The following DNAH14 variants were observed in gnomAD, a reference collection of about 807,000 sequenced individuals.
DNAH14 encodes the protein dynein axonemal heavy chain 14, also known as axonemal beta dynein heavy chain 14.
DNAH14 carries 478 observed loss-of-function variants against 520.9 expected under a neutral mutation model. That is an observed-to-expected ratio of 0.92 (90% CI 0.85 to 0.99). The LOEUF is 0.99. Among genes scored for constraint, DNAH14 ranks in the 50% least tolerant of loss-of-function variants. The pLI is 0.00. For synonymous variants in DNAH14, 1,581 were observed against 1,757.2 expected, an observed-to-expected ratio of 0.90 and a Z score of 2.51; for missense variants, 4,831 against 5,234.5, an observed-to-expected ratio of 0.92 and a Z score of 2.38.
At chr1:224,995,770 CAT>C (rs2063353583) in intron 8 of DNAH14, among the ~76,000 whole-genome samples, 1 of 152,000 alleles carries the variant, frequency 6.6e-6, no homozygotes, top group Non-Finnish European at 1.5e-5. Context: ...GATAATTTCA[CAT>C]GTTCTGTCTT....
At chr1:225,362,143 T>G (rs912701836) in intron 75 of DNAH14, among the ~76,000 whole-genome samples, 2 of 152,122 alleles carry the variant, frequency 1.3e-5, no homozygotes, top group African/African-American at 4.8e-5. Context: ...AAAGAGCCAA[T>G]AGTATGGCAG....
chr1:224,962,207 A>G (rs921680390), intron 4 of DNAH14, among the ~76,000 whole-genome samples: 7 of 152,056 alleles, frequency 4.6e-5, no homozygotes, highest in African/African-American at 1.7e-4. Flanking sequence ...GCCTCCCCCT[A>G]AGTGGAAGCA....
intron 9 of DNAH14, among the ~76,000 whole-genome samples, chr1:225,005,220 A>G (rs2449284): frequency 0.096 from 14,586 of 152,162 alleles, 2,255 homozygotes; most frequent in African/African-American, 0.33. Flanking sequence ...TTTATTGAGC[A>G]GTATTTGGGT....
intron 79 of DNAH14, among the ~76,000 whole-genome samples, chr1:225,379,191 G>A (rs1338055796): frequency 1.3e-5 from 2 of 152,214 alleles, no homozygotes; most frequent in Non-Finnish European, 2.9e-5. Flanking sequence ...GCAGTGGAAT[G>A]TTCCATGCGG....
At chr1:225,211,365 G>A (rs2088380977) in intron 41 of DNAH14, among the ~76,000 whole-genome samples, 1 of 152,010 alleles carries the variant, frequency 6.6e-6, no homozygotes, top group African/African-American at 2.4e-5. Context: ...GCATACACAT[G>A]TATCAATAAC....
chr1:224,956,388 G>C (rs1467644733), intron 3 of DNAH14, among the ~76,000 whole-genome samples: 3 of 152,068 alleles, frequency 2.0e-5, no homozygotes, highest in Non-Finnish European at 2.9e-5. Context: ...TATTTTCACT[G>C]TACCTTTTCT....
At chr1:225,127,996 A>G (rs9661814) in intron 27 of DNAH14, among the ~76,000 whole-genome samples, 30,184 of 151,960 alleles carry the variant, frequency 0.2, 6,189 homozygotes, top group African/African-American at 0.51. Context: ...ATGAAATTCT[A>G]GGTTGAAAAT....
intron 26 of DNAH14, among the ~76,000 whole-genome samples, 174 bp from the exon 27 acceptor site, chr1:225,123,353 C>T (rs530191458): frequency 3.3e-5 from 5 of 152,130 alleles, no homozygotes; most frequent in Non-Finnish European, 5.9e-5. Flanking sequence ...AAGGAGTATG[C>T]ATTATGCTTC....
intron 77 of DNAH14, among the ~76,000 whole-genome samples, chr1:225,372,594 A>T (rs553145798): frequency 6.6e-6 from 1 of 152,346 alleles, no homozygotes; most frequent in South Asian, 2.1e-4. Flanking sequence ...ATAAAATTTA[A>T]ATGTATAACA....
intron 60 of DNAH14, among the ~76,000 whole-genome samples, chr1:225,312,873 A>G (rs1201014136): frequency 2.6e-5 from 4 of 152,192 alleles, no homozygotes; most frequent in Non-Finnish European, 5.9e-5. Context: ...TTTCACATCA[A>G]TGTTCATCAG....
At chr1:225,044,709 G>A (rs2067789181) in intron 15 of DNAH14, among the ~76,000 whole-genome samples, 1 of 152,126 alleles carries the variant, frequency 6.6e-6, no homozygotes, top group Non-Finnish European at 1.5e-5. Context: ...GTATTATGAA[G>A]ATGAAATGTG....
intron 41 of DNAH14, among the ~76,000 whole-genome samples, chr1:225,212,488 T>A (rs905892825): frequency 6.6e-6 from 1 of 152,192 alleles, no homozygotes; most frequent in African/African-American, 2.4e-5. Context: ...CACACTGTCT[T>A]CCACAATGAT....
intron 4 of DNAH14, among the ~76,000 whole-genome samples, chr1:224,961,626 A>C (rs533539350): frequency 2.0e-5 from 3 of 152,136 alleles, no homozygotes; most frequent in Non-Finnish European, 4.4e-5. Flanking sequence ...TATCATGAGA[A>C]CAACATGGGG....
chr1:225,388,808 CCTCT>C (rs2095871000), intron 82 of DNAH14, among the ~76,000 whole-genome samples: 1 of 151,964 alleles, frequency 6.6e-6, no homozygotes, highest in Non-Finnish European at 1.5e-5. Context: ...CAAGAGTCTC[CCTCT>C]GTCACCCAGG....
intron 36 of DNAH14, among the ~76,000 whole-genome samples, chr1:225,172,294 A>G (rs1382565745): frequency 6.6e-6 from 1 of 152,214 alleles, no homozygotes; most frequent in African/African-American, 2.4e-5. Context: ...AATAAAGGGC[A>G]TTCAATTAGG....
chr1:225,367,000 C>T (rs57111749), intron 76 of DNAH14, among the ~76,000 whole-genome samples: 21,260 of 87,010 alleles, frequency 0.24, 3,622 homozygotes, highest in African/African-American at 0.52. Flanking sequence ...CCAAAAGTCT[C>T]ATGTTCATAC....
chr1:225,227,194 C>A (rs1249567316), intron 41 of DNAH14, among the ~76,000 whole-genome samples: 1 of 152,102 alleles, frequency 6.6e-6, no homozygotes, highest in Non-Finnish European at 1.5e-5. Context: ...GGGGGATGAT[C>A]AGGTCTTTCC....
chr1:225,248,351 CTT>C (rs2092397249), intron 43 of DNAH14, among the ~76,000 whole-genome samples: 2 of 152,154 alleles, frequency 1.3e-5, no homozygotes, highest in Middle Eastern at 6.8e-3. Flanking sequence ...TATAAAGTAA[CTT>C]TTTATTAAAA....
chr1:224,952,245 A>T (rs12086122), intron 1 of DNAH14, among the ~76,000 whole-genome samples: 23 of 152,118 alleles, frequency 1.5e-4, no homozygotes, highest in Non-Finnish European at 3.4e-4. Context: ...CTAGTAGTAT[A>T]TGGATGTGGC....
Sources: allele counts gnomAD v4.1 joint callset (sites outside exome capture counted in the v4.1 genomes callset), GRCh38; gene constraint gnomAD v4.1.1; transcripts MANE v1.5; gene names NCBI Gene and HGNC (gene_info 2026-07-23, HGNC 2026-07-21).